Variants in DMD observed in about 807,000 individuals in gnomAD.
DMD encodes the protein dystrophin.
DMD carries 63 observed loss-of-function variants against 330.1 expected under a neutral mutation model. The observed-to-expected ratio is 0.19, with a 90% CI of 0.16 to 0.24. The LOEUF is 0.24. Ranked by LOEUF, DMD falls within the 10% of genes least tolerant of loss-of-function variation. The pLI, the probability that DMD is intolerant of heterozygous loss-of-function variation, is 1.00. For missense variants in DMD, 3,344 were observed against 2,684.1 expected (o/e 1.25, Z -5.43); for synonymous variants, 1,223 against 959.8 (o/e 1.27, Z -5.07).
At chrX:33,234,909 A>T (rs189311862) in intron 1 of DMD, among the ~76,000 whole-genome samples, 1 of 111,827 alleles carries the variant, frequency 8.9e-6, no homozygotes, top group African/African-American at 3.3e-5. Context: ...ACATGGATTT[A>T]CTGGACAATT....
At chrX:31,258,496 G>A (rs1407524543) in intron 63 of DMD, among the ~76,000 whole-genome samples, 1 of 112,861 alleles carries the variant, frequency 8.9e-6, no homozygotes, top group African/African-American at 3.2e-5. Flanking sequence ...CAAGTGGTTT[G>A]TTATTGGGCT....
intron 1 of DMD, chrX:33,041,353 C>T: frequency 8.6e-7 from 1 of 1,167,854 alleles, no homozygotes; most frequent in Non-Finnish European, 1.1e-6. Context: ...TCCACGGTTA[C>T]CCCGGCTTTC....
chrX:32,735,099 C>T (rs2068265463), intron 7 of DMD, among the ~76,000 whole-genome samples: 1 of 109,578 alleles, frequency 9.1e-6, no homozygotes, highest in South Asian at 4.0e-4. Flanking sequence ...ACAAAAATCA[C>T]AAGCATTCTT....
At position 32,297,235 on chromosome X, in the gene DMD, T is replaced by TTTTATTTATTTA. The variant is rs199584874; in HGVS notation, c.6118-9546_6118-9535dup. ...AAAAACCTACCATGAGACAGTCATA[T>TTTTATTTATTTA]TTTATTTATTTATTTATTTATTTAT... is the stretch of plus-strand genomic sequence containing the variant. On this transcript the variant is annotated intron_variant, in intron 42 of 78. Transcript: ENST00000357033. Among the ~76,000 whole-genome samples the TTTTATTTATTTA allele has an allele frequency of 1.6e-3, 153 of 97,167 alleles. 1 individual carries two copies. Among genetic ancestry groups the TTTTATTTATTTA allele is most frequent in the African/African-American group, 3.3e-3 (85 of 25,878 alleles). The allele number at this position is 97,167 out of a possible 115,157, so 84.4% of individuals were successfully genotyped here.
intron 44 of DMD, among the ~76,000 whole-genome samples, chrX:32,113,477 A>G (rs1244462849): frequency 8.9e-6 from 1 of 112,099 alleles, no homozygotes; most frequent in Admixed American, 9.5e-5. Context: ...TAGTTGCAAT[A>G]AAATACAGCA....
chrX:32,899,404 G>A (rs1226244361), intron 2 of DMD, among the ~76,000 whole-genome samples: 4 of 110,470 alleles, frequency 3.6e-5, no homozygotes, highest in Non-Finnish European at 5.7e-5. Context: ...GGCCGGGTGC[G>A]GTGGCTCACG....
chrX:33,222,301 T>C (rs1335440904), intron 1 of DMD, among the ~76,000 whole-genome samples: 15 of 112,103 alleles, frequency 1.3e-4, no homozygotes, highest in Non-Finnish European at 1.9e-5. Flanking sequence ...AATCACACGA[T>C]GTTATCAGTA....
chrX:32,780,180 A>G (rs1044961833), intron 7 of DMD, among the ~76,000 whole-genome samples: 3 of 112,118 alleles, frequency 2.7e-5, no homozygotes, highest in Non-Finnish European at 3.8e-5. Flanking sequence ...AATTTTTACC[A>G]TATAAATTAC....
intron 67 of DMD, among the ~76,000 whole-genome samples, chrX:31,186,664 A>G (rs887217722): frequency 8.9e-6 from 1 of 112,551 alleles, no homozygotes; most frequent in African/African-American, 3.2e-5. Context: ...AAATTTTAAA[A>G]AGCTGTTGCT....
chrX:31,765,893 A>G lies in DMD; in HGVS notation c.7542+8067T>C, dbSNP rs1376736118. Reference sequence around the variant, plus strand: ...CTTTGTAACATGGGTTTCAAAGACAATTTGTTGAACGAAGGAATGAAAAAA... The same window carrying G: ...CTTTGTAACATGGGTTTCAAAGACAGTTTGTTGAACGAAGGAATGAAAAAA... On this transcript the variant is annotated intron_variant, in intron 51 of 78. Transcript: ENST00000357033. Among the ~76,000 whole-genome samples, 4 of 111,128 alleles carry G rather than the reference A, an allele frequency of 3.6e-5. No homozygotes were observed. The East Asian group carries it at 1.1e-3, about 32-fold the overall frequency.
chrX:31,918,768 G>T (rs1200528517), intron 47 of DMD, among the ~76,000 whole-genome samples: 2 of 110,165 alleles, frequency 1.8e-5, no homozygotes, highest in African/African-American at 6.6e-5. Context: ...CTCCCAAGTA[G>T]CTGTGATTCA....
chrX:32,870,987 A>AAAAAAAC (rs2082943612), intron 2 of DMD, among the ~76,000 whole-genome samples: 1 of 46,973 alleles, frequency 2.1e-5, no homozygotes, highest in African/African-American at 6.2e-5. Flanking sequence ...AAAAAAAAAA[A>AAAAAAAC]ACCACAAAAC....
chrX:33,069,641 A>G (rs1391973687), intron 1 of DMD, among the ~76,000 whole-genome samples: 1 of 111,733 alleles, frequency 8.9e-6, no homozygotes, highest in African/African-American at 3.2e-5. Flanking sequence ...TGAGCAATAA[A>G]CGAAGTCCAT....
In DMD at chrX:31,121,923, A is replaced by G. The variant is rs1464917165; in HGVS notation, c.11054T>C (p.Met3685Thr). ...CTGCCATGTGGAAAAGACTTCCTAC[A>G]TTGTGTCCTGGAAAACAAAGAGAAA... ...TPGKPMREDT[M>T] Residue 3685 changes from methionine (M) to threonine (T), a missense_variant, in exon 79 of 79, where the codon ATG (methionine) becomes ACG (threonine). By Grantham distance (81) the Met-to-Thr change is moderately conservative. Transcript: ENST00000357033. 6.7e-6 allele frequency: 8 copies of G among 1,197,409 alleles called. No homozygotes were observed. The highest frequency in any genetic ancestry group is 7.9e-6 in the Non-Finnish European group (7 of 882,899).
chrX:32,820,201 A>G (rs755362942), intron 5 of DMD, among the ~76,000 whole-genome samples: 2 of 112,412 alleles, frequency 1.8e-5, no homozygotes, highest in South Asian at 7.3e-4. Flanking sequence ...ACACTTTGGG[A>G]GGCCGAGACG....
At chrX:32,452,368 AG>A (rs2098334532) in intron 26 of DMD, among the ~76,000 whole-genome samples, 3 of 16,911 alleles carry the variant, frequency 1.8e-4, no homozygotes, top group Admixed American at 1.0e-3. Flanking sequence ...GGAAAGGGAA[AG>A]GGAAAGGGAA....
At chrX:33,160,650 C>T (rs772063672) in intron 1 of DMD, among the ~76,000 whole-genome samples, 5 of 112,091 alleles carry the variant, frequency 4.5e-5, no homozygotes, top group African/African-American at 6.5e-5. Flanking sequence ...TCTTAGATTG[C>T]GATCTTTTGA....
chrX:31,793,673 T>C (rs1231268249), intron 50 of DMD, among the ~76,000 whole-genome samples: 1 of 112,107 alleles, frequency 8.9e-6, no homozygotes, highest in Non-Finnish European at 1.9e-5. Context: ...TATTGAATAC[T>C]GTATTGAACA....
intron 1 of DMD, among the ~76,000 whole-genome samples, chrX:33,106,741 C>T (rs2095291297): frequency 8.9e-6 from 1 of 111,870 alleles, no homozygotes; most frequent in Non-Finnish European, 1.9e-5. Flanking sequence ...TCACTTCCAA[C>T]AGAGATTTTA....
Sources: allele counts gnomAD v4.1 joint callset (sites outside exome capture counted in the v4.1 genomes callset), GRCh38; gene constraint gnomAD v4.1.1; transcripts MANE v1.5; gene names NCBI Gene and HGNC (gene_info 2026-07-23, HGNC 2026-07-21).